The following SIK3 variants were observed in gnomAD, a reference collection of about 807,000 sequenced individuals.
SIK3 encodes SIK family kinase 3.
SIK3 carries 28 observed loss-of-function variants against 144.2 expected under a neutral mutation model. That is an observed-to-expected ratio of 0.19 (90% confidence interval 0.14 to 0.27). The LOEUF is 0.27. SIK3 is among the 10% of genes least tolerant of loss of function. The pLI is 1.00. For missense variants in SIK3, 1,319 were observed against 1,776.0 expected, an observed-to-expected ratio of 0.74 and a Z score of 4.62; for synonymous variants, 686 against 676.3, an observed-to-expected ratio of 1.01 and a Z score of -0.22.
chr11:116,970,878 C>G (rs569409383), intron 1 of SIK3, among the ~76,000 whole-genome samples: 1 of 152,212 alleles, frequency 6.6e-6, no homozygotes. Flanking sequence ...AACTCCTGGC[C>G]TCAAGCAATC....
chr11:116,873,037 C>T (rs999222333), intron 13 of SIK3, among the ~76,000 whole-genome samples: 3 of 152,190 alleles, frequency 2.0e-5, no homozygotes, highest in African/African-American at 7.2e-5. Context: ...TTATGCCAAA[C>T]ATGTGAGGTG....
At chr11:116,896,747 C>T (rs1256688816) in intron 5 of SIK3, among the ~76,000 whole-genome samples, 2 of 152,256 alleles carry the variant, frequency 1.3e-5, no homozygotes, top group Non-Finnish European at 2.9e-5. Context: ...ACGAGTAGGC[C>T]GGGTGCAGTG....
At chr11:117,084,438 G>T (rs973992688) in intron 1 of SIK3, among the ~76,000 whole-genome samples, 3 of 152,008 alleles carry the variant, frequency 2.0e-5, no homozygotes, top group African/African-American at 7.3e-5. Context: ...GCTAATTTTT[G>T]TATTTTTAGT....
At chr11:116,965,734 A>AATATATATAT (rs58587995) in intron 1 of SIK3, among the ~76,000 whole-genome samples, 227 of 118,218 alleles carry the variant, frequency 1.9e-3, no homozygotes, top group African/African-American at 3.3e-3. Flanking sequence ...TCTCTGCTAA[A>AATATATATAT]ATATATATAT....
At chr11:116,861,454 A>G (rs1943322811) in intron 18 of SIK3, 71 bp from the exon 19 acceptor site, 2 of 1,167,240 alleles carry the variant, frequency 1.7e-6, no homozygotes, top group Non-Finnish European at 2.5e-6. Context: ...TTTCAGCCAT[A>G]CAACATATAT....
intron 4 of SIK3, among the ~76,000 whole-genome samples, chr11:116,898,136 C>T (rs1338678863): frequency 1.3e-5 from 2 of 151,842 alleles, no homozygotes; most frequent in African/African-American, 2.4e-5. Flanking sequence ...CCCCCCACCC[C>T]ACAACAGTCC....
intron 1 of SIK3, among the ~76,000 whole-genome samples, chr11:117,023,621 A>AAAAAAATATATATATATAT (rs754624841): frequency 2.1e-5 from 2 of 95,414 alleles, no homozygotes; most frequent in African/African-American, 8.7e-5. Flanking sequence ...AAAAAAAAAA[A>AAAAAAATATATATATATAT]ATATATATAT....
chr11:116,900,747 TG>T (rs1393192611), intron 4 of SIK3, among the ~76,000 whole-genome samples: 3 of 152,224 alleles, frequency 2.0e-5, no homozygotes, highest in African/African-American at 7.2e-5. Flanking sequence ...AAGGCTTAAC[TG>T]ATTTCCACCA....
intron 1 of SIK3, among the ~76,000 whole-genome samples, chr11:117,079,289 G>GT (rs1177787826): frequency 1.3e-5 from 2 of 152,192 alleles, no homozygotes; most frequent in African/African-American, 4.8e-5. Context: ...ATTCAGAAAT[G>GT]TACCTAAGTA....
chr11:116,867,384 G>A lies in SIK3; in HGVS notation c.1952+562C>T, dbSNP rs899701033. Among the ~76,000 whole-genome samples, 3 of 152,148 alleles carry A rather than the reference G, an allele frequency of 2.0e-5. No homozygotes were observed. The highest frequency in any genetic ancestry group is 2.1e-4 in the South Asian group (1 of 4,828). On this transcript the variant is annotated intron_variant, in intron 15 of 24. Coordinates refer to ENST00000445177, the MANE Select transcript of SIK3 (RefSeq NM_001366686.3). The surrounding 1 kb of genome is among the most constrained non-coding windows in gnomAD (Gnocchi z 4.1). ...CTTGCTTTTATTTCTTCAAGAGAAT[G>A]GATTATAACCATAACCGAACCTAGC...
At chr11:116,965,843 G>A (rs1015654637) in intron 1 of SIK3, among the ~76,000 whole-genome samples, 8 of 145,112 alleles carry the variant, frequency 5.5e-5, no homozygotes, top group African/African-American at 2.1e-4. Context: ...ACTAAGGCAG[G>A]AGAATCGCCT....
At chr11:117,073,310 G>A (rs1336544350) in intron 1 of SIK3, among the ~76,000 whole-genome samples, 1 of 152,088 alleles carries the variant, frequency 6.6e-6, no homozygotes, top group Non-Finnish European at 1.5e-5. Flanking sequence ...ATCCATAACA[G>A]ACAAGTTGTC....
chr11:116,847,990 A>T (rs1011506132), intron 22 of SIK3, among the ~76,000 whole-genome samples: 2 of 152,180 alleles, frequency 1.3e-5, no homozygotes, highest in Non-Finnish European at 2.9e-5. Flanking sequence ...CAATATGGTA[A>T]CCAGTAGCCA....
chr11:116,880,763 G>A (rs1434900190), intron 6 of SIK3, among the ~76,000 whole-genome samples: 5 of 152,098 alleles, frequency 3.3e-5, no homozygotes. Context: ...TGGAAAGATG[G>A]AGCCCTCACA....
intron 1 of SIK3, among the ~76,000 whole-genome samples, chr11:117,044,460 C>A (rs1017267375): frequency 6.7e-6 from 1 of 149,796 alleles, no homozygotes; most frequent in Non-Finnish European, 1.5e-5. Context: ...CCAAGACATA[C>A]AACTAGACAA....
At chr11:117,047,439 T>C (rs530453380) in intron 1 of SIK3, among the ~76,000 whole-genome samples, 1 of 152,014 alleles carries the variant, frequency 6.6e-6, no homozygotes, top group African/African-American at 2.4e-5. Flanking sequence ...AAAGGGAGGG[T>C]AGGGAAGGTG....
intron 4 of SIK3, among the ~76,000 whole-genome samples, chr11:116,914,313 A>G (rs1337002029): frequency 1.3e-5 from 2 of 151,260 alleles, no homozygotes; most frequent in Admixed American, 1.3e-4. Flanking sequence ...GGTTCAAGCA[A>G]TTCTCCTGTT....
intron 1 of SIK3, among the ~76,000 whole-genome samples, chr11:117,045,607 T>C (rs777994629): frequency 6.6e-6 from 1 of 152,230 alleles, no homozygotes; most frequent in Non-Finnish European, 1.5e-5. Flanking sequence ...CGCTTACTAA[T>C]CCTGTGTAGT....
At chr11:116,990,110 G>A (rs540392862) in intron 1 of SIK3, among the ~76,000 whole-genome samples, 1 of 152,264 alleles carries the variant, frequency 6.6e-6, no homozygotes, top group African/African-American at 2.4e-5. Flanking sequence ...ATTTCAGCGG[G>A]GTCGTCATAT....
Sources: allele counts gnomAD v4.1 joint callset (sites outside exome capture counted in the v4.1 genomes callset), GRCh38; gene constraint gnomAD v4.1.1; non-coding constraint Gnocchi (gnomAD v3.1); transcripts MANE v1.5; gene names NCBI Gene and HGNC (gene_info 2026-07-23, HGNC 2026-07-21).